The following PCDH15 variants were observed in gnomAD, a reference collection of about 807,000 sequenced individuals.
The protein encoded by PCDH15 is protocadherin-15.
PCDH15 carries 129 observed loss-of-function variants against 178.5 expected under a neutral mutation model. The observed-to-expected ratio is 0.72, with a 90% CI of 0.63 to 0.84. The LOEUF (loss-of-function observed/expected upper bound fraction) is 0.84, where lower values mean the gene tolerates loss of function less well. Ranked by LOEUF, PCDH15 falls within the 40% of genes least tolerant of loss-of-function variation. The probability of loss-of-function intolerance (pLI) is 0.00; values close to 1 mark genes in which losing one functional copy is unlikely to be tolerated. For synonymous variants in PCDH15, 800 were observed against 732.0 expected, an observed-to-expected ratio of 1.09 and a Z score of -1.50; for missense variants, 2,230 against 2,099.9, an observed-to-expected ratio of 1.06 and a Z score of -1.21.
chr10:54,802,777 G>A (rs754170745), upstream of PCDH15, among the ~76,000 whole-genome samples: 11 of 152,116 alleles, frequency 7.2e-5, no homozygotes, highest in Non-Finnish European at 1.3e-4. Flanking sequence ...GAATTATTAA[G>A]TGTAGTTATT....
chr10:54,231,100 T>C (rs1292527845), intron 9 of PCDH15, among the ~76,000 whole-genome samples: 1 of 152,110 alleles, frequency 6.6e-6, no homozygotes, highest in African/African-American at 2.4e-5. Flanking sequence ...GATTATGCTT[T>C]TCTTTCAGAG....
intron 26 of PCDH15, among the ~76,000 whole-genome samples, chr10:53,883,153 A>T (rs1167172170): frequency 9.0e-6 from 1 of 111,192 alleles, no homozygotes; most frequent in Non-Finnish European, 1.7e-5. Flanking sequence ...ACACACACAT[A>T]TATACACACA....
At chr10:54,925,959 G>A (rs748508617) in intron 2 of PCDH15, among the ~76,000 whole-genome samples, 6 of 151,956 alleles carry the variant, frequency 3.9e-5, no homozygotes, top group Non-Finnish European at 7.4e-5. Flanking sequence ...TGCCTATTTG[G>A]TCTTGCCAGT....
At chr10:55,534,248 C>T (rs373263801) in intron 2 of PCDH15, among the ~76,000 whole-genome samples, 18 of 151,434 alleles carry the variant, frequency 1.2e-4, no homozygotes, top group East Asian at 9.7e-4. Flanking sequence ...AAAGTGTTTT[C>T]TCCGAGCAAA....
At chr10:55,089,521 G>A (rs1842261539) in intron 2 of PCDH15, among the ~76,000 whole-genome samples, 1 of 151,904 alleles carries the variant, frequency 6.6e-6, no homozygotes, top group African/African-American at 2.4e-5. Flanking sequence ...CTAACTGTGT[G>A]GCTCTAGAAT....
chr10:53,821,818 T>C (rs770809754), intron 32 of PCDH15: 2 of 1,609,036 alleles, frequency 1.2e-6, no homozygotes, highest in South Asian at 2.2e-5. Context: ...AAGACTATGA[T>C]CAACAAGAGG....
At chr10:53,980,719 T>C (rs2090567049) in intron 21 of PCDH15, among the ~76,000 whole-genome samples, 1 of 152,198 alleles carries the variant, frequency 6.6e-6, no homozygotes, top group Non-Finnish European at 1.5e-5. Flanking sequence ...GTTAATTAAC[T>C]GCTGTACAAT....
chr10:53,823,589 ACT>A (rs1294977334), intron 32 of PCDH15, among the ~76,000 whole-genome samples: 1 of 151,952 alleles, frequency 6.6e-6, no homozygotes, highest in Non-Finnish European at 1.5e-5. Flanking sequence ...AAAAAAAAGT[ACT>A]CATCTCTAGA....
chr10:54,458,420 C>G (rs1256187839), intron 3 of PCDH15, among the ~76,000 whole-genome samples: 1 of 152,084 alleles, frequency 6.6e-6, no homozygotes, highest in African/African-American at 2.4e-5. Context: ...AACTTAATGG[C>G]AGTTATCTTC....
chr10:54,924,712 T>A (rs1837574894), intron 2 of PCDH15, among the ~76,000 whole-genome samples: 1 of 152,224 alleles, frequency 6.6e-6, no homozygotes, highest in Non-Finnish European at 1.5e-5. Flanking sequence ...TTGAGCTTTT[T>A]AAAATATAAT....
chr10:54,790,492 G>A (rs1175317465), intron 1 of PCDH15, among the ~76,000 whole-genome samples: 1 of 151,768 alleles, frequency 6.6e-6, no homozygotes, highest in Non-Finnish European at 1.5e-5. Flanking sequence ...AGTCCCATGT[G>A]CCACATCCCA....
At chr10:55,532,732 C>T (rs1589116568) in intron 2 of PCDH15, among the ~76,000 whole-genome samples, 1 of 152,000 alleles carries the variant, frequency 6.6e-6, no homozygotes, top group Admixed American at 6.6e-5. Flanking sequence ...AAGATGGGAA[C>T]AGGTGTTTGG....
At chr10:55,192,281 C>A (rs537956210) in intron 1 of PCDH15, among the ~76,000 whole-genome samples, 1 of 151,734 alleles carries the variant, frequency 6.6e-6, no homozygotes, top group African/African-American at 2.4e-5. Context: ...CAGTGCCATT[C>A]TCCAGATGGC....
chr10:55,517,254 T>C (rs1016599219), intron 2 of PCDH15, among the ~76,000 whole-genome samples: 9 of 152,134 alleles, frequency 5.9e-5, no homozygotes, highest in Non-Finnish European at 1.3e-4. Flanking sequence ...ATGTTTGTTG[T>C]TGTTTGCTTC....
chr10:55,579,793 C>T (rs923169310), intron 2 of PCDH15, among the ~76,000 whole-genome samples: 2 of 152,016 alleles, frequency 1.3e-5, no homozygotes, highest in African/African-American at 2.4e-5. Context: ...ACTTGAGCAA[C>T]GTATTGGGAT....
intron 3 of PCDH15, among the ~76,000 whole-genome samples, chr10:54,886,613 C>G (rs1954362843): frequency 6.6e-6 from 1 of 152,148 alleles, no homozygotes; most frequent in Admixed American, 6.5e-5. Flanking sequence ...AATACAAAAA[C>G]TAGGCGGGTG....
At position 54,766,704 on chromosome 10, in the gene PCDH15, C is replaced by T. The variant is rs1591524722; in HGVS notation, c.-29+34221G>A. ...GAGTACTTTGGGAGGCTGAGGCGGG[C>T]GGATCACAAGATCAGGAGATAGAGA... On this transcript the variant is annotated intron_variant, in intron 1 of 37. Transcript: ENST00000644397. Among the ~76,000 whole-genome samples the T allele has an allele frequency of 4.0e-5, 6 of 151,810 alleles. No individual in the cohort carries two copies. In the South Asian group the frequency reaches 6.2e-4, roughly 16 times the overall value.
At chr10:54,135,132 G>C (rs2042792897) in intron 14 of PCDH15, among the ~76,000 whole-genome samples, 1 of 151,260 alleles carries the variant, frequency 6.6e-6, no homozygotes, top group Non-Finnish European at 1.5e-5. Flanking sequence ...GAACCCGGGA[G>C]ACGGAGGTTG....
chr10:54,409,185 G>A (rs1953119347), intron 3 of PCDH15, among the ~76,000 whole-genome samples: 1 of 152,118 alleles, frequency 6.6e-6, no homozygotes, highest in Non-Finnish European at 1.5e-5. Flanking sequence ...GTGGACCTGT[G>A]AGCCCATTAA....
Sources: gnomAD v4.1 joint callset for allele counts (sites outside exome capture counted in the v4.1 genomes callset) on GRCh38, gnomAD v4.1.1 for gene constraint, MANE v1.5 for transcripts, NCBI Gene and HGNC (gene_info 2026-07-23, HGNC 2026-07-21) for gene names.